CPNE8: variants seen among roughly 807,000 people sequenced by gnomAD.
CPNE8 encodes copine 8.
CPNE8 carries 45 observed loss-of-function variants against 81.5 expected under a neutral mutation model. The observed-to-expected ratio is 0.55, with a 90% CI of 0.44 to 0.71. CPNE8 has a LOEUF of 0.71. CPNE8 is among the 30% of genes least tolerant of loss of function. CPNE8 has a pLI of 0.00. For missense variants in CPNE8, 594 were observed against 672.1 expected (o/e 0.88, Z 1.28); for synonymous variants, 252 against 226.3 (o/e 1.11, Z -1.02).
chr12:38,842,853 A>G (rs1356574258), intron 4 of CPNE8, among the ~76,000 whole-genome samples: 1 of 152,120 alleles, frequency 6.6e-6, no homozygotes, highest in African/African-American at 2.4e-5. Flanking sequence ...TGCTGGGATT[A>G]CAGGCGTGAG....
intron 6 of CPNE8, among the ~76,000 whole-genome samples, chr12:38,807,590 C>T (rs1021055967): frequency 4.0e-5 from 6 of 151,120 alleles, no homozygotes; most frequent in Non-Finnish European, 8.9e-5. Context: ...ACACCTTATA[C>T]AAAAATTAAT....
At chr12:38,854,052 CACTTTCCAGAGATT>C (rs1943688342) in intron 3 of CPNE8, among the ~76,000 whole-genome samples, 1 of 152,014 alleles carries the variant, frequency 6.6e-6, no homozygotes, top group Non-Finnish European at 1.5e-5. Context: ...TATACAGCCA[CACTTTCCAGAGATT>C]ACACAAGAGT....
chr12:38,905,644 A>T, upstream of CPNE8: 7 of 1,500,738 alleles, frequency 4.7e-6, no homozygotes, highest in Non-Finnish European at 6.2e-6. Flanking sequence ...AGGCAGAAGA[A>T]GGAGGCGGAG....
chr12:38,764,549 G>A (rs1280514565), intron 8 of CPNE8, among the ~76,000 whole-genome samples: 2 of 145,664 alleles, frequency 1.4e-5, no homozygotes, highest in Non-Finnish European at 3.0e-5. Context: ...CCCGGGAGGC[G>A]GAGCTTGCAG....
At chr12:38,776,729 T>C (rs913705605) in intron 6 of CPNE8, among the ~76,000 whole-genome samples, 5 of 152,082 alleles carry the variant, frequency 3.3e-5, no homozygotes, top group Non-Finnish European at 7.4e-5. Context: ...TAGTTATGCA[T>C]CATCTAATTA....
intron 6 of CPNE8, among the ~76,000 whole-genome samples, chr12:38,798,353 C>T (rs7953319): frequency 2.6e-5 from 4 of 152,112 alleles, no homozygotes; most frequent in Middle Eastern, 3.4e-3. Context: ...CTGATCTCTC[C>T]GCAGAAACTC....
intron 4 of CPNE8, among the ~76,000 whole-genome samples, chr12:38,843,595 C>G (rs1943507847): frequency 1.3e-5 from 2 of 152,016 alleles, no homozygotes; most frequent in South Asian, 4.1e-4. Flanking sequence ...TGCAAGTCCA[C>G]CCTGGGGCTG....
chr12:38,771,264 C>T (rs1941794428), intron 7 of CPNE8, among the ~76,000 whole-genome samples: 1 of 150,360 alleles, frequency 6.7e-6, no homozygotes, highest in South Asian at 2.1e-4. Flanking sequence ...AGTTCAAGAC[C>T]AGCCTGGACA....
intron 7 of CPNE8, among the ~76,000 whole-genome samples, chr12:38,775,458 A>C (rs911813776): frequency 1.3e-5 from 2 of 152,192 alleles, no homozygotes; most frequent in Admixed American, 6.5e-5. Context: ...GCAGCAACTA[A>C]AAGTAAAGAG....
intron 10 of CPNE8, among the ~76,000 whole-genome samples, chr12:38,755,163 T>C (rs1941430992): frequency 6.6e-6 from 1 of 152,214 alleles, no homozygotes; most frequent in Non-Finnish European, 1.5e-5. Flanking sequence ...TATGGCATTT[T>C]GCAGACAAAT....
chr12:38,807,688 A>G lies in CPNE8; in HGVS notation c.407+21691T>C, dbSNP rs973512572. Among the ~76,000 whole-genome samples the G allele has an allele frequency of 1.6e-4, 24 of 151,314 alleles. 1 individual carries two copies. The highest frequency in any genetic ancestry group is 4.3e-4 in the African/African-American group (18 of 41,422). The stretch of plus-strand genomic sequence containing the variant: ...AGGCATTACTATTCAGGACATAGGC[A>G]TGGGCAAGGACTTCATGTCTAAAAC... On this transcript the variant is annotated intron_variant, in intron 6 of 19. Coordinates refer to ENST00000331366, the MANE Select transcript of CPNE8 (RefSeq NM_153634.3).
intron 13 of CPNE8, among the ~76,000 whole-genome samples, chr12:38,721,475 C>G (rs1237682023): frequency 6.6e-6 from 1 of 152,176 alleles, no homozygotes; most frequent in Non-Finnish European, 1.5e-5. Flanking sequence ...CAAAAAGGAG[C>G]TACCCCCTGA....
intron 3 of CPNE8, among the ~76,000 whole-genome samples, chr12:38,852,323 G>T (rs146794315): frequency 0.032 from 4,878 of 151,770 alleles, 247 homozygotes; most frequent in African/African-American, 0.11. Context: ...CAGCTACTCG[G>T]GAGGCTGAGG....
At chr12:38,666,792 C>T (rs1041857170) in intron 19 of CPNE8, among the ~76,000 whole-genome samples, 2 of 152,082 alleles carry the variant, frequency 1.3e-5, no homozygotes, top group Non-Finnish European at 2.9e-5. Flanking sequence ...TGTTAAGAAT[C>T]TTAGAATCAG....
chr12:38,797,040 C>T (rs59593939), intron 6 of CPNE8, among the ~76,000 whole-genome samples: 6,100 of 152,196 alleles, frequency 0.04, 389 homozygotes, highest in African/African-American at 0.14. Flanking sequence ...ACAAAGCAGC[C>T]GGGAAGCTCG....
intron 1 of CPNE8, among the ~76,000 whole-genome samples, chr12:38,885,372 A>G (rs1198898122): frequency 6.6e-6 from 1 of 152,208 alleles, no homozygotes; most frequent in Admixed American, 6.5e-5. Context: ...CTCACATTTT[A>G]AATAAAGTTC....
At chr12:38,718,933 C>G (rs1295767846) in intron 13 of CPNE8, among the ~76,000 whole-genome samples, 1 of 151,908 alleles carries the variant, frequency 6.6e-6, no homozygotes, top group Non-Finnish European at 1.5e-5. Context: ...ATGAACAAAA[C>G]ATACAATGCA....
chr12:38,817,038 A>AAC (rs1244230662), intron 6 of CPNE8, among the ~76,000 whole-genome samples: 1 of 152,338 alleles, frequency 6.6e-6, no homozygotes, highest in East Asian at 1.9e-4. Context: ...AATGAATACA[A>AAC]ACACTAACAG....
At chr12:38,762,956 T>A (rs1337775224) in intron 8 of CPNE8, among the ~76,000 whole-genome samples, 1 of 152,190 alleles carries the variant, frequency 6.6e-6, no homozygotes, top group East Asian at 1.9e-4. Flanking sequence ...CCGCCCGGGT[T>A]CATGCAATCC....
Sources: gnomAD v4.1 joint callset for allele counts (sites outside exome capture counted in the v4.1 genomes callset) on GRCh38, gnomAD v4.1.1 for gene constraint, MANE v1.5 for transcripts, NCBI Gene and HGNC (gene_info 2026-07-23, HGNC 2026-07-21) for gene names.